Variants in SPHKAP observed in about 807,000 individuals in gnomAD.
SPHKAP encodes SPHK1 interactor, AKAP domain containing.
SPHKAP carries 67 observed loss-of-function variants against 137.5 expected under a neutral mutation model. That is an observed-to-expected ratio of 0.49 (90% CI 0.40 to 0.60). The LOEUF (loss-of-function observed/expected upper bound fraction) is 0.60. SPHKAP is among the 20% of genes least tolerant of loss of function. SPHKAP has a pLI of 0.00. For synonymous variants in SPHKAP, 813 were observed against 785.3 expected, an observed-to-expected ratio of 1.04 and a Z score of -0.59; for missense variants, 2,097 against 2,069.3, an observed-to-expected ratio of 1.01 and a Z score of -0.26.
intron 1 of SPHKAP, among the ~76,000 whole-genome samples, chr2:228,180,970 T>G (rs1454084029): frequency 6.6e-6 from 1 of 151,970 alleles, no homozygotes; most frequent in East Asian, 2.0e-4. Flanking sequence ...AAGAAGGAAC[T>G]CGCAGACTGG....
chr2:228,020,243 A>T (rs1160479337), intron 6 of SPHKAP, 87 bp from the exon 7 acceptor site: 1 of 1,496,374 alleles, frequency 6.7e-7, no homozygotes, highest in Admixed American at 2.3e-5. Flanking sequence ...CTAAAAATAA[A>T]ACATCAATAA....
intron 1 of SPHKAP, among the ~76,000 whole-genome samples, chr2:228,149,358 C>A (rs1699864015): frequency 6.6e-6 from 1 of 152,074 alleles, no homozygotes; most frequent in South Asian, 2.1e-4. Context: ...TCAATGATAT[C>A]AATGTATATA....
intron 1 of SPHKAP, among the ~76,000 whole-genome samples, chr2:228,152,201 T>C (rs10211055): frequency 0.33 from 50,289 of 152,112 alleles, 8,685 homozygotes; most frequent in East Asian, 0.5. Context: ...TAGTATTCTA[T>C]ATAGTTGCAT....
intron 3 of SPHKAP, among the ~76,000 whole-genome samples, chr2:228,033,953 C>T (rs977849847): frequency 7.9e-5 from 12 of 152,216 alleles, no homozygotes; most frequent in South Asian, 2.1e-4. Flanking sequence ...GACACCCTAA[C>T]GTCACAATTA....
chr2:227,997,172 C>G (rs1446763417), intron 7 of SPHKAP, among the ~76,000 whole-genome samples: 1 of 152,210 alleles, frequency 6.6e-6, no homozygotes, highest in African/African-American at 2.4e-5. Context: ...AAGCCAAACT[C>G]TATCCGTTGT....
intron 3 of SPHKAP, among the ~76,000 whole-genome samples, chr2:228,089,458 T>C (rs1697649056): frequency 6.6e-6 from 1 of 152,218 alleles, no homozygotes; most frequent in Non-Finnish European, 1.5e-5. Context: ...CAGAAAAGTT[T>C]GGAAAATTTG....
At position 228,017,358 on chromosome 2, in the gene SPHKAP, G is replaced by C; in HGVS notation, c.3496C>G (p.Gln1166Glu). Residue 1166 changes from glutamine to glutamate, a missense_variant, in exon 7 of 12, where the codon CAG (glutamine) becomes GAG (glutamate). Transcript: ENST00000392056. ...AGGTGGTCACTTTTCCGGCACGCCT[G>C]TTGCATGGCTGAGTTCAGAATGCTG... Reference protein sequence around the residue: ...ASSILNSAMQQACRKSDHLSV... With the variant: ...ASSILNSAMQEACRKSDHLSV... 6.2e-7 allele frequency: 1 copy of C among 1,613,856 alleles called. No homozygotes were observed. The highest frequency in any genetic ancestry group is 8.5e-7 in the Non-Finnish European group (1 of 1,179,894).
intron 3 of SPHKAP, among the ~76,000 whole-genome samples, chr2:228,071,596 C>CA (rs1425064286): frequency 6.6e-6 from 1 of 152,012 alleles, no homozygotes; most frequent in Non-Finnish European, 1.5e-5. Context: ...ATTTTCAATA[C>CA]AAAATGAAGA....
intron 7 of SPHKAP, among the ~76,000 whole-genome samples, chr2:228,002,610 G>T (rs1219195621): frequency 6.6e-6 from 1 of 152,130 alleles, no homozygotes; most frequent in Non-Finnish European, 1.5e-5. Flanking sequence ...TGTTGCCATT[G>T]CTTTTGGTGT....
In SPHKAP at chr2:228,025,401, A is replaced by G; in HGVS notation, c.434T>C (p.Val145Ala). The stretch of plus-strand genomic sequence containing the variant: ...CAAGAACTTATGTCTTACCTGTGAA[A>G]CTTCAAAATCTGCCTGGAGATTTCC... Reference protein sequence around the residue: ...ASGNLQADFEVSQCPWLPDIC... With the variant: ...ASGNLQADFEASQCPWLPDIC... Residue 145 changes from valine to alanine, a missense_variant, in exon 5 of 12, where the codon GTT becomes GCT. Physicochemically the swap from Val to Ala is moderately conservative, Grantham distance 64. Transcript: ENST00000392056. 6.2e-7 allele frequency: 1 copy of G among 1,613,754 alleles called. No individual in the cohort carries two copies. The highest frequency in any genetic ancestry group is 8.5e-7 in the Non-Finnish European group (1 of 1,179,856).
intron 3 of SPHKAP, among the ~76,000 whole-genome samples, 182 bp from the exon 4 acceptor site, chr2:228,027,725 T>C (rs1267959439): frequency 6.6e-6 from 1 of 152,012 alleles, no homozygotes; most frequent in African/African-American, 2.4e-5. Flanking sequence ...CCCAGCACTT[T>C]AGGAGGCCAA....
chr2:228,142,527 A>G (rs1168543961), intron 1 of SPHKAP, among the ~76,000 whole-genome samples: 1 of 152,124 alleles, frequency 6.6e-6, no homozygotes, highest in Non-Finnish European at 1.5e-5. Flanking sequence ...CATAAAAAAG[A>G]ATAAGATCAT....
chr2:228,018,610 TTC>T lies in SPHKAP; in HGVS notation c.2242_2243del (p.Glu748ThrfsTer7). Reference sequence around the variant, plus strand: ...CCGGATCAGATGGCTGGCAGCTTGGTTCTGTCTCCCTCCTTCTGATGGTCTCC... The same window carrying T: ...CCGGATCAGATGGCTGGCAGCTTGGTTGTCTCCCTCCTTCTGATGGTCTCC... The part of the protein sequence containing the change: ...SKETIRRRET[E>X]PSCQPSDPGA... On this transcript the variant is annotated frameshift_variant, in exon 7 of 12. Transcript: ENST00000392056. LOFTEE classifies it high-confidence loss of function. 6.2e-7 allele frequency: 1 copy of T among 1,614,112 alleles called. No individual in the cohort carries two copies. Among genetic ancestry groups the T allele is most frequent in the Non-Finnish European group, 8.5e-7 (1 of 1,179,998 alleles).
chr2:228,109,353 ATTGATTCT>A (rs1201174345), intron 2 of SPHKAP: 1 of 984,198 alleles, frequency 1.0e-6, no homozygotes, highest in East Asian at 1.1e-4. Flanking sequence ...TTGATGGAAT[ATTGATTCT>A]TCACTTCTTT....
In SPHKAP at chr2:228,062,382, C is replaced by T. The variant is rs1696678398; in HGVS notation, c.247-34839G>A. On this transcript the variant is annotated intron_variant, in intron 3 of 11. Coordinates refer to ENST00000392056, the MANE Select transcript of SPHKAP (RefSeq NM_001142644.2). ...TCAGGTGATCCACCTGCCTCGGCCT[C>T]CCAAAGTGCTGGGATTACAGGCAGG... Among the ~76,000 whole-genome samples, 3 of 151,866 alleles carry T rather than the reference C, an allele frequency of 2.0e-5. No individual in the cohort carries two copies. In the South Asian group the frequency reaches 6.2e-4, roughly 32 times the overall value.
At chr2:228,072,962 T>C (rs982559454) in intron 3 of SPHKAP, among the ~76,000 whole-genome samples, 1 of 152,202 alleles carries the variant, frequency 6.6e-6, no homozygotes, top group Non-Finnish European at 1.5e-5. Context: ...ACCTGCCCTG[T>C]TCCCTGGCTG....
chr2:228,083,585 A>G (rs1697437279), intron 3 of SPHKAP, among the ~76,000 whole-genome samples: 1 of 152,196 alleles, frequency 6.6e-6, no homozygotes, highest in African/African-American at 2.4e-5. Flanking sequence ...ATTACTGAGT[A>G]TATACCCAAA....
intron 3 of SPHKAP, among the ~76,000 whole-genome samples, chr2:228,033,286 C>T (rs1695427523): frequency 6.6e-6 from 1 of 152,114 alleles, no homozygotes; most frequent in Admixed American, 6.5e-5. Flanking sequence ...CAAAGAAGGC[C>T]ATTACATAAT....
chr2:228,175,721 TA>T (rs966228290), intron 1 of SPHKAP, among the ~76,000 whole-genome samples: 1 of 151,832 alleles, frequency 6.6e-6, no homozygotes, highest in African/African-American at 2.4e-5. Flanking sequence ...ACACATCAAT[TA>T]AAAAAAGAGA....
Sources: gnomAD v4.1 joint callset for allele counts (sites outside exome capture counted in the v4.1 genomes callset) on GRCh38, gnomAD v4.1.1 for gene constraint, MANE v1.5 for transcripts, NCBI Gene and HGNC (gene_info 2026-07-23, HGNC 2026-07-21) for gene names.